Variants in AKAP13 observed in about 807,000 individuals in gnomAD.
AKAP13 encodes A-kinase anchoring protein 13, also known as A-kinase anchor protein 13.
AKAP13 carries 80 observed loss-of-function variants against 264.5 expected under a neutral mutation model. The ratio of observed to expected loss-of-function variants is 0.30; its 90% confidence interval spans 0.25 to 0.36. The LOEUF is 0.36. Among genes scored for constraint, AKAP13 ranks in the 10% least tolerant of loss-of-function variants. The pLI, the probability that AKAP13 is intolerant of heterozygous loss-of-function variation, is 1.00. For synonymous variants in AKAP13, 1,380 were observed against 1,250.2 expected (o/e 1.10, Z -2.19); for missense variants, 3,712 against 3,435.2 (o/e 1.08, Z -2.01).
At chr15:85,647,608 T>C (rs2082614355) in intron 10 of AKAP13, among the ~76,000 whole-genome samples, 2 of 152,144 alleles carry the variant, frequency 1.3e-5, no homozygotes, top group African/African-American at 2.4e-5. Flanking sequence ...ATTTCTATCA[T>C]TGTCACTCAT....
chr15:85,471,923 G>A (rs2074975055), intron 1 of AKAP13, among the ~76,000 whole-genome samples: 1 of 152,134 alleles, frequency 6.6e-6, no homozygotes, highest in Non-Finnish European at 1.5e-5. Flanking sequence ...TAAATTTGTA[G>A]ATCAGTTTGG....
At position 85,434,690 on chromosome 15, in the gene AKAP13, G is replaced by GGCA. The variant is rs1392675422; in HGVS notation, c.-11-51019_-11-51018insCAG. ...TGACCCCCGAGCAGCCTAACTGGGA[G>GGCA]GTACCCCCCAGCAGGGGCACACTGA... On this transcript the variant is annotated intron_variant, in intron 1 of 36. Coordinates refer to ENST00000394518, the MANE Select transcript of AKAP13 (RefSeq NM_007200.5). Among the ~76,000 whole-genome samples, 736 of 152,192 alleles carry GGCA rather than the reference G, an allele frequency of 4.8e-3. 6 individuals carry two copies. The highest frequency in any genetic ancestry group is 0.02 in the Middle Eastern group (6 of 294).
chr15:85,520,646 T>C (rs755124565), intron 2 of AKAP13: 6 of 518,862 alleles, frequency 1.2e-5, no homozygotes, highest in South Asian at 8.4e-5. Context: ...AGAGTAGGAA[T>C]GTCAGATGGT....
intron 8 of AKAP13, among the ~76,000 whole-genome samples, chr15:85,628,671 G>A (rs1376041000): frequency 6.6e-6 from 1 of 150,760 alleles, no homozygotes; most frequent in Non-Finnish European, 1.5e-5. Context: ...ACAAACAGCA[G>A]TTTTTTTTTC....
At chr15:85,597,383 A>T (rs989367923) in intron 8 of AKAP13, among the ~76,000 whole-genome samples, 1 of 152,144 alleles carries the variant, frequency 6.6e-6, no homozygotes, top group African/African-American at 2.4e-5. Context: ...GTCACATGGT[A>T]AGCCAGAGGC....
intron 6 of AKAP13, among the ~76,000 whole-genome samples, chr15:85,575,599 G>A (rs139391854): frequency 0.017 from 2,663 of 152,260 alleles, 84 homozygotes; most frequent in African/African-American, 0.061. Flanking sequence ...GGCTGAGGCA[G>A]GAGAATGGCG....
At chr15:85,733,837 C>G (rs182306222) in intron 30 of AKAP13, among the ~76,000 whole-genome samples, 15 of 131,322 alleles carry the variant, frequency 1.1e-4, no homozygotes, top group Non-Finnish European at 2.2e-4. Context: ...TAAGTTAGTT[C>G]TTTCATGTCT....
At chr15:85,678,864 T>C (rs2084408351) in intron 14 of AKAP13, among the ~76,000 whole-genome samples, 1 of 150,866 alleles carries the variant, frequency 6.6e-6, no homozygotes, top group Non-Finnish European at 1.5e-5. Context: ...GTGAGATCAC[T>C]TCATCTCAAA....
rs942296757 is a variant in AKAP13, at chr15:85,691,535, G to C, written c.5290-1742G>C. ...TTGACAACAGCCTCTCTTAGATTGA[G>C]GCTTGATGTCATATGAGTCCTCTGC... On this transcript the variant is annotated intron_variant, in intron 16 of 36. Coordinates refer to ENST00000394518, the MANE Select transcript of AKAP13 (RefSeq NM_007200.5). Among the ~76,000 whole-genome samples the C allele has an allele frequency of 3.9e-5, 6 of 152,174 alleles. No individual in the cohort carries two copies. In the East Asian group the frequency reaches 7.7e-4, roughly 20 times the overall value.
chr15:85,678,964 G>T (rs1444574073), intron 14 of AKAP13, among the ~76,000 whole-genome samples: 1 of 152,008 alleles, frequency 6.6e-6, no homozygotes, highest in African/African-American at 2.4e-5. Flanking sequence ...TCCCAGTCAG[G>T]CACAGTGGCT....
Position 85,608,651 on chromosome 15 carries a change from A to G in AKAP13, c.4161+22828A>G, listed in dbSNP as rs538651313. Reference sequence around the variant, plus strand: ...AAGTAGAATTAAAGGATGGACTTTGACTAAGGTGGATAGGCGAGAGAGGGA... The same window carrying G: ...AAGTAGAATTAAAGGATGGACTTTGGCTAAGGTGGATAGGCGAGAGAGGGA... On this transcript the variant is annotated intron_variant, in intron 8 of 36. Transcript: ENST00000394518. Among the ~76,000 whole-genome samples, 12 of 152,314 alleles carry G rather than the reference A, an allele frequency of 7.9e-5. No homozygotes were observed. The Middle Eastern group carries it at 0.01, about 130-fold the overall frequency.
chr15:85,492,803 A>G (rs566342586), intron 2 of AKAP13, among the ~76,000 whole-genome samples: 4 of 152,326 alleles, frequency 2.6e-5, no homozygotes, highest in South Asian at 2.1e-4. Context: ...GATTTTGGCA[A>G]TGGACTACAT....
chr15:85,535,578 G>C (rs1443343973), intron 4 of AKAP13: 1 of 152,106 alleles, frequency 6.6e-6, no homozygotes, highest in Non-Finnish European at 1.5e-5. Context: ...TCCTATTTCT[G>C]TATTGATACA....
At chr15:85,565,721 C>G (rs751184818) in intron 5 of AKAP13, among the ~76,000 whole-genome samples, 135 of 152,156 alleles carry the variant, frequency 8.9e-4, no homozygotes, top group Non-Finnish European at 1.7e-3. Context: ...ACCTAGGATT[C>G]TAGGTATGGG....
chr15:85,568,780 A>T (rs1038772870), intron 5 of AKAP13, among the ~76,000 whole-genome samples: 3 of 152,240 alleles, frequency 2.0e-5, no homozygotes, highest in Non-Finnish European at 4.4e-5. Context: ...TTCACTCTCA[A>T]TACAAAAAGA....
intron 1 of AKAP13, among the ~76,000 whole-genome samples, chr15:85,434,674 A>G (rs2073189753): frequency 6.6e-6 from 1 of 152,118 alleles, no homozygotes; most frequent in East Asian, 1.9e-4. Context: ...CTGACCCCCG[A>G]GCAGCCTAAC....
At chr15:85,726,279 C>A (rs1018671464) in intron 26 of AKAP13, 131 bp from the exon 27 acceptor site, 2 of 617,714 alleles carry the variant, frequency 3.2e-6, no homozygotes, top group Non-Finnish European at 5.7e-6. Flanking sequence ...GGAGTGTGAT[C>A]TCAGATCATA....
intron 1 of AKAP13, among the ~76,000 whole-genome samples, chr15:85,416,405 G>T (rs1369756035): frequency 1.3e-5 from 2 of 152,074 alleles, no homozygotes; most frequent in African/African-American, 4.8e-5. Flanking sequence ...GTTAAGTCTG[G>T]TTTTTTTCCT....
chr15:85,399,752 C>T (rs1464610034), intron 1 of AKAP13, among the ~76,000 whole-genome samples: 1 of 151,780 alleles, frequency 6.6e-6, no homozygotes, highest in East Asian at 1.9e-4. Flanking sequence ...CAAATAAAGT[C>T]ACTGATATCA....
Sources: allele counts gnomAD v4.1 joint callset (sites outside exome capture counted in the v4.1 genomes callset), GRCh38; gene constraint gnomAD v4.1.1; transcripts MANE v1.5; gene names NCBI Gene and HGNC (gene_info 2026-07-23, HGNC 2026-07-21).